PTX3: variants seen among roughly 807,000 people sequenced by gnomAD.
The protein encoded by PTX3 is pentraxin 3, also known as pentraxin-related protein PTX3.
PTX3 carries 24 observed loss-of-function variants against 23.5 expected under a neutral mutation model. That is an observed-to-expected ratio of 1.02 (90% CI 0.74 to 1.43). The LOEUF is 1.43. Ranked by LOEUF, PTX3 falls within the 40% of genes most tolerant of loss-of-function variation. PTX3 has a pLI of 0.00. For synonymous variants in PTX3, 218 were observed against 205.4 expected, an observed-to-expected ratio of 1.06 and a Z score of -0.53; for missense variants, 510 against 497.5, an observed-to-expected ratio of 1.02 and a Z score of -0.24.
intron 2 of PTX3, among the ~76,000 whole-genome samples, chr3:157,441,244 C>G (rs1433968423): frequency 6.6e-6 from 1 of 152,152 alleles, no homozygotes; most frequent in African/African-American, 2.4e-5. Context: ...TGCAAAAATT[C>G]AAACTCTAGT....
At chr3:157,437,289 A>C (rs1261389832) in intron 1 of PTX3, among the ~76,000 whole-genome samples, 1 of 152,238 alleles carries the variant, frequency 6.6e-6, no homozygotes, top group Admixed American at 6.5e-5. Flanking sequence ...GTTTTGAGCT[A>C]CATAACCGGC....
Position 157,443,064 on chromosome 3 carries a change from A to T in PTX3, c.*85A>T, listed in dbSNP as rs1024721813. 7.6e-6 allele frequency: 11 copies of T among 1,453,836 alleles called. No individual in the cohort carries two copies. In the South Asian group the frequency reaches 1.4e-4, roughly 18 times the overall value. 90.1% of individuals were successfully genotyped at this position (1,453,836 alleles called of 1,614,324 possible). On this transcript the variant is annotated 3_prime_UTR_variant, in exon 3 of 3. Transcript: ENST00000295927. ...TTGGGAAGGTCTGAAAACTCAGTGC[A>T]TAATAGGAACACTTGAGACTAATGA...
chr3:157,437,950 G>T, intron 2 of PTX3, 36 bp downstream of exon 2: 1 of 1,520,060 alleles, frequency 6.6e-7, no homozygotes, highest in Non-Finnish European at 8.8e-7. Context: ...CTCCCACTGC[G>T]GCTTTGTTCC....
intron 2 of PTX3, among the ~76,000 whole-genome samples, chr3:157,441,870 G>A (rs1734148416): frequency 6.6e-6 from 1 of 151,904 alleles, no homozygotes; most frequent in East Asian, 1.9e-4. Flanking sequence ...GCTGAAAAAT[G>A]CATGTTGGTA....
Position 157,437,652 on chromosome 3 carries a change from G to A in PTX3, c.270G>A (p.Glu90=). Residue 90 remains glutamate, a synonymous_variant, in exon 2 of 3, where the codon GAG becomes GAA. Transcript: ENST00000295927. ...VLRGELQRLR[E]ELGRLAESLA... ...GGGGCGAGCTGCAGAGGCTGCGGGA[G>A]GAGCTGGGCCGGCTCGCGGAAAGCC... is the stretch of plus-strand genomic sequence containing the variant. 1 of 1,545,920 alleles carries A rather than the reference G, an allele frequency of 6.5e-7. No individual in the cohort carries two copies. The highest frequency in any genetic ancestry group is 8.7e-7 in the Non-Finnish European group (1 of 1,148,158).
At chr3:157,439,693 C>T (rs752941750) in intron 2 of PTX3, among the ~76,000 whole-genome samples, 1 of 152,142 alleles carries the variant, frequency 6.6e-6, no homozygotes, top group Non-Finnish European at 1.5e-5. Flanking sequence ...ACTGCCTGGG[C>T]TTATTTAAAG....
Position 157,442,933 on chromosome 3 carries a change from G to A in PTX3, c.1100G>A (p.Gly367Glu). ...ATCCGGGGGAATATTGTTGGGTGGG[G>A]AGTCACAGAGATCCAGCCACATGGA... ...CHIRGNIVGW[G>E]VTEIQPHGGA... The change falls in exon 3 of 3, where the codon GGA becomes GAA. Residue 367 changes from glycine (G) to glutamate (E), a missense_variant. Coordinates refer to ENST00000295927, the MANE Select transcript of PTX3 (RefSeq NM_002852.4). The A allele has an allele frequency of 6.2e-7, 1 of 1,613,870 alleles. No homozygotes were observed. The highest frequency in any genetic ancestry group is 8.5e-7 in the Non-Finnish European group (1 of 1,179,810).
chr3:157,442,587 G>A lies in PTX3; in HGVS notation c.754G>A (p.Glu252Lys). ...YQSIVFVVGGEENKLVAEAMV... is the reference protein window; with the variant it reads ...YQSIVFVVGGKENKLVAEAMV... ...ATCCATAGTGTTTGTGGTGGGTGGA[G>A]AGGAGAACAAACTGGTTGCTGAAGC... is the stretch of plus-strand genomic sequence containing the variant. The change falls in exon 3 of 3, where the codon GAG becomes AAG. Residue 252 changes from glutamate (E) to lysine (K), a missense_variant. Transcript: ENST00000295927. 1 of 1,614,244 alleles carries A rather than the reference G, an allele frequency of 6.2e-7. No individual in the cohort carries two copies. The highest frequency in any genetic ancestry group is 2.2e-5 in the East Asian group (1 of 44,890).
Position 157,438,033 on chromosome 3 carries a change from GCGCGCACACACACACACA to G in PTX3, c.532+121_532+138del, listed in dbSNP as rs1275201127. On this transcript the variant is annotated intron_variant, in intron 2 of 2. Transcript: ENST00000295927. ...GCTTTCATGGGAAGCGCGCGCGCGC[GCGCGCACACACACACACA>G]CACACACACACACACACACACCCCT... 2.6e-3 allele frequency: 2,029 copies of G among 794,040 alleles called. 29 individuals are homozygous for G. The African/African-American group carries it at 0.037, about 14-fold the overall frequency. The allele number at this position is 794,040 out of a possible 1,614,324, so 49.2% of individuals were successfully genotyped here. A position where few individuals can be genotyped will look rare whatever the true frequency, so the allele number is the denominator to read the frequency against.
rs557539937 is a variant in PTX3, at chr3:157,437,824, G to A, written c.442G>A (p.Ala148Thr). The change falls in exon 2 of 3, where the codon GCC becomes ACC. Residue 148 changes from alanine to threonine, a missense_variant. Transcript: ENST00000295927. ...GCAGCGCCCAGAGGAGGCGGGGCGC[G>A]CCCTGGCCGCGGTGCTAGAGGAGCT... ...EAQRPEEAGRALAAVLEELRQ... is the reference protein window; with the variant it reads ...EAQRPEEAGRTLAAVLEELRQ... The A allele has an allele frequency of 2.9e-5, 43 of 1,466,410 alleles. No individual in the cohort carries two copies. Among genetic ancestry groups the A allele is most frequent in the Non-Finnish European group, 3.2e-5 (36 of 1,122,464 alleles). 90.8% of individuals were successfully genotyped at this position (1,466,410 alleles called of 1,614,324 possible).
chr3:157,437,926 A>G lies in PTX3; in HGVS notation c.532+12A>G, dbSNP rs907048199. On this transcript the variant is annotated intron_variant, in intron 2 of 2. Transcript: ENST00000295927. ...CTGGCTGCCGGCAGGTAAGGAGGCAAGCGGGGCCGGGACCTCCCACTGCGG... is the reference window on the plus strand; with the variant it reads ...CTGGCTGCCGGCAGGTAAGGAGGCAGGCGGGGCCGGGACCTCCCACTGCGG... 176 of 1,528,250 alleles carry G rather than the reference A, an allele frequency of 1.2e-4. No homozygotes were observed. The highest frequency in any genetic ancestry group is 1.4e-4 in the Non-Finnish European group (164 of 1,145,482). The allele number at this position is 1,528,250 out of a possible 1,614,324, so 94.7% of individuals were successfully genotyped here.
chr3:157,442,904 T>C lies in PTX3; in HGVS notation c.1071T>C (p.Cys357=). ...EIRETGGAES[C]HIRGNIVGWG... ...GAGAGACCGGAGGAGCAGAGTCTTG[T>C]CACATCCGGGGGAATATTGTTGGGT... Residue 357 remains cysteine (C), a synonymous_variant, in exon 3 of 3, where the codon TGT becomes TGC. Coordinates refer to ENST00000295927, the MANE Select transcript of PTX3 (RefSeq NM_002852.4). The C allele has an allele frequency of 6.2e-7, 1 of 1,614,182 alleles. No individual in the cohort carries two copies. The highest frequency in any genetic ancestry group is 8.5e-7 in the Non-Finnish European group (1 of 1,180,034).
At chr3:157,437,338 T>A (rs542868240) in intron 1 of PTX3, among the ~76,000 whole-genome samples, 175 bp from the exon 2 acceptor site, 60 of 152,314 alleles carry the variant, frequency 3.9e-4, no homozygotes, top group Admixed American at 5.9e-4. Context: ...CCTGAATGAA[T>A]GATTTCTGTC....
rs1014483867 is a variant in PTX3, at chr3:157,437,146, C to T, written c.130+83C>T. On this transcript the variant is annotated intron_variant, in intron 1 of 2. Transcript: ENST00000295927. ...TAAATAACACACATATACTTTGTGG[C>T]CAGTGAGACAAGTTAAAAATTTATA... 12 of 1,519,428 alleles carry T rather than the reference C, an allele frequency of 7.9e-6. No homozygotes were observed. The African/African-American group carries it at 1.4e-4, about 18-fold the overall frequency. 94.1% of individuals were successfully genotyped at this position (1,519,428 alleles called of 1,614,324 possible).
intron 2 of PTX3, 138 bp downstream of exon 2, chr3:157,438,052 C>T (rs1454036780): frequency 3.8e-5 from 28 of 734,980 alleles, no homozygotes; most frequent in Non-Finnish European, 5.3e-5. Flanking sequence ...CACACACACA[C>T]ACACACACAC....
At position 157,443,441 on chromosome 3, in the gene PTX3, TAAC is replaced by T. The variant is rs1182229891; in HGVS notation, c.*466_*468del. On this transcript the variant is annotated 3_prime_UTR_variant, in exon 3 of 3. Transcript: ENST00000295927. ...AACATATTTATACTACAAGGTGACTTAACAACTATAAATGTAGTTTATGTGTTA... is the reference window on the plus strand; with the variant it reads ...AACATATTTATACTACAAGGTGACTTAACTATAAATGTAGTTTATGTGTTA... 2 of 155,854 alleles carry T rather than the reference TAAC, an allele frequency of 1.3e-5. No individual in the cohort carries two copies. The highest frequency in any genetic ancestry group is 6.3e-5 in the Admixed American group (1 of 15,958). 9.7% of individuals were successfully genotyped at this position (155,854 alleles called of 1,614,324 possible).
chr3:157,442,908 A>G lies in PTX3; in HGVS notation c.1075A>G (p.Ile359Val), dbSNP rs753462619. The change falls in exon 3 of 3, where the codon ATC becomes GTC. Residue 359 changes from isoleucine to valine, a missense_variant. Transcript: ENST00000295927. ...RETGGAESCH[I>V]RGNIVGWGVT... ...GACCGGAGGAGCAGAGTCTTGTCAC[A>G]TCCGGGGGAATATTGTTGGGTGGGG... 6.2e-6 allele frequency: 10 copies of G among 1,614,150 alleles called. No homozygotes were observed. In the Admixed American group the frequency reaches 1.5e-4, roughly 24 times the overall value.
intron 2 of PTX3, among the ~76,000 whole-genome samples, chr3:157,439,142 C>G (rs1733911595): frequency 6.6e-6 from 1 of 152,130 alleles, no homozygotes; most frequent in Non-Finnish European, 1.5e-5. Flanking sequence ...CTCAATGTGA[C>G]AGGAGAGAAA....
Position 157,437,035 on chromosome 3 carries a change from A to G in PTX3, c.102A>G (p.Ile34Met). ...DLMYVNLDNE[I>M]DNGLHPTEDP... ...TGTATGTGAATTTGGACAACGAAAT[A>G]GACAATGGACTCCATCCCACTGAGG... The change falls in exon 1 of 3, where the codon ATA becomes ATG. Residue 34 changes from isoleucine (I) to methionine (M), a missense_variant. By Grantham distance (10) the Ile-to-Met change is conservative (BLOSUM62 1). Coordinates refer to ENST00000295927, the MANE Select transcript of PTX3 (RefSeq NM_002852.4). 6.2e-7 allele frequency: 1 copy of G among 1,614,098 alleles called. No individual in the cohort carries two copies. The highest frequency in any genetic ancestry group is 8.5e-7 in the Non-Finnish European group (1 of 1,179,952).
Sources: allele counts gnomAD v4.1 joint callset (sites outside exome capture counted in the v4.1 genomes callset), GRCh38; gene constraint gnomAD v4.1.1; transcripts MANE v1.5; gene names NCBI Gene and HGNC (gene_info 2026-07-23, HGNC 2026-07-21).